Variants in FAAH2 observed in about 807,000 individuals in gnomAD.
FAAH2 encodes the protein fatty acid amide hydrolase 2, also known as fatty-acid amide hydrolase 2.
A neutral mutation model predicts 36.9 loss-of-function variants in FAAH2; 60 were observed. That is an observed-to-expected ratio of 1.63 (90% CI 1.32 to 2.02). The LOEUF (loss-of-function observed/expected upper bound fraction) is 2.02, where lower values mean the gene tolerates loss of function less well. Ranked by LOEUF, FAAH2 falls within the 30% of genes most tolerant of loss-of-function variation. FAAH2 has a pLI of 0.00. For missense variants in FAAH2, 689 were observed against 397.5 expected, an observed-to-expected ratio of 1.73 and a Z score of -6.23; for synonymous variants, 214 against 143.8, an observed-to-expected ratio of 1.49 and a Z score of -3.49.
chrX:57,160,414 G>C, the FAAH2 span, among the ~76,000 whole-genome samples: 1 of 111,928 alleles, frequency 8.9e-6, no homozygotes, highest in Non-Finnish European at 1.9e-5. Context: ...CAAAAGGAAT[G>C]GTATCAGCTC....
chrX:57,456,519 T>C (rs2056867511), intron 10 of FAAH2, among the ~76,000 whole-genome samples: 1 of 111,545 alleles, frequency 9.0e-6, no homozygotes, highest in Admixed American at 9.5e-5. Flanking sequence ...TTCAAAAGAA[T>C]AAACAAGATT....
intron 2 of FAAH2, 109 bp downstream of exon 2, chrX:57,292,689 C>T (rs927012571): frequency 1.7e-6 from 1 of 589,628 alleles, no homozygotes. Context: ...TTTGTCCTTC[C>T]CTTGTTCTCA....
intron 7 of FAAH2, among the ~76,000 whole-genome samples, chrX:57,400,443 A>G (rs1436584121): frequency 8.9e-6 from 1 of 112,536 alleles, no homozygotes; most frequent in African/African-American, 3.2e-5. Context: ...TGACATATAA[A>G]GAAAAGTCTT....
At chrX:57,335,107 A>T (rs1220782833) in intron 4 of FAAH2, among the ~76,000 whole-genome samples, 1 of 111,369 alleles carries the variant, frequency 9.0e-6, no homozygotes, top group South Asian at 3.8e-4. Context: ...GAAGTAAAAC[A>T]TTCCTCATTA....
chrX:57,290,363 T>C (rs2146781293), intron 1 of FAAH2: 1 of 612,125 alleles, frequency 1.6e-6, no homozygotes, highest in Non-Finnish European at 2.0e-6. Flanking sequence ...CACTAGACTA[T>C]TGAGTTATGG....
intron 7 of FAAH2, among the ~76,000 whole-genome samples, chrX:57,407,559 C>A (rs2055597940): frequency 8.9e-6 from 1 of 111,956 alleles, no homozygotes; most frequent in Non-Finnish European, 1.9e-5. Flanking sequence ...CTTTTCTGTA[C>A]CCTAGCTTAT....
At chrX:57,379,719 C>T (rs753450674) in intron 6 of FAAH2, among the ~76,000 whole-genome samples, 1 of 110,441 alleles carries the variant, frequency 9.1e-6, no homozygotes, top group Non-Finnish European at 1.9e-5. Flanking sequence ...ATTATTTATA[C>T]TCATTAACTC....
At chrX:57,125,793 T>C in the FAAH2 span, among the ~76,000 whole-genome samples, 6 of 112,318 alleles carry the variant, frequency 5.3e-5, no homozygotes, top group Non-Finnish European at 9.4e-5. Flanking sequence ...AAAATGCATG[T>C]GTTCATCATT....
At position 57,352,065 on chromosome X, in the gene FAAH2, TACACATATATATATGTGTATATATATGC is replaced by T. The variant is rs2054023302; in HGVS notation, c.742+10679_742+10706del. Among the ~76,000 whole-genome samples the T allele has an allele frequency of 2.8e-4, 12 of 42,862 alleles. 3 individuals carry two copies. Among genetic ancestry groups the T allele is most frequent in the Non-Finnish European group, 4.1e-4 (11 of 26,838 alleles). The allele number at this position is 42,862 out of a possible 115,157, so 37.2% of individuals were successfully genotyped here. A position where few individuals can be genotyped will look rare whatever the true frequency, so the allele number is the denominator to read the frequency against. Reference sequence around the variant, plus strand: ...ATATATATGTGTATATATATATATATACACATATATATATGTGTATATATATGCACATATATATATATGTGTATATATA... The same window carrying T: ...ATATATATGTGTATATATATATATATACATATATATATATGTGTATATATA... On this transcript the variant is annotated intron_variant, in intron 5 of 10. Transcript: ENST00000374900.
the FAAH2 span, among the ~76,000 whole-genome samples, chrX:57,174,720 A>G: frequency 2.7e-5 from 3 of 111,543 alleles, no homozygotes; most frequent in Non-Finnish European, 5.7e-5. Flanking sequence ...GTTTAGTGCT[A>G]TAAAGTTTCC....
the FAAH2 span, among the ~76,000 whole-genome samples, chrX:57,160,310 T>C: frequency 9.0e-6 from 1 of 111,294 alleles, no homozygotes; most frequent in Non-Finnish European, 1.9e-5. Flanking sequence ...TTTTTTGTTG[T>C]TGTATCTCTG....
the FAAH2 span, among the ~76,000 whole-genome samples, chrX:57,174,210 AT>A: frequency 0.012 from 1,242 of 101,182 alleles, 8 homozygotes; most frequent in African/African-American, 0.037. Context: ...TAGCCCCGAG[AT>A]TTTTTTTTTT....
the FAAH2 span, among the ~76,000 whole-genome samples, chrX:57,229,870 T>A: frequency 9.0e-6 from 1 of 111,716 alleles, no homozygotes; most frequent in East Asian, 2.8e-4. Context: ...CATTACACTT[T>A]ATTCTTGCTT....
chrX:57,442,436 G>A (rs1470276641), intron 8 of FAAH2, among the ~76,000 whole-genome samples: 2 of 110,969 alleles, frequency 1.8e-5, no homozygotes, highest in Non-Finnish European at 1.9e-5. Flanking sequence ...TGCAACCTCT[G>A]CTTTTTTTTG....
At chrX:57,345,284 G>T (rs975794769) in intron 5 of FAAH2, among the ~76,000 whole-genome samples, 1 of 108,336 alleles carries the variant, frequency 9.2e-6, no homozygotes, top group Admixed American at 1.0e-4. Flanking sequence ...GCATTGGTAG[G>T]TTTTTTTTAA....
chrX:57,207,889 A>C, the FAAH2 span, among the ~76,000 whole-genome samples: 1 of 112,979 alleles, frequency 8.9e-6, no homozygotes, highest in African/African-American at 3.2e-5. Flanking sequence ...CAGACATTGT[A>C]CAGGGGTGAG....
chrX:57,122,778 C>A, the FAAH2 span, among the ~76,000 whole-genome samples: 1 of 111,508 alleles, frequency 9.0e-6, no homozygotes, highest in Non-Finnish European at 1.9e-5. Flanking sequence ...GTTAACAGAA[C>A]AACTACACTT....
chrX:57,380,382 C>T (rs761334136), intron 6 of FAAH2, among the ~76,000 whole-genome samples: 1 of 111,311 alleles, frequency 9.0e-6, no homozygotes, highest in East Asian at 2.8e-4. Flanking sequence ...GAAGACTGGC[C>T]ATTTCAGATA....
intron 3 of FAAH2, among the ~76,000 whole-genome samples, chrX:57,324,793 C>T (rs1421991434): frequency 1.8e-5 from 2 of 112,109 alleles, no homozygotes; most frequent in African/African-American, 3.2e-5. Context: ...CAAACAGGGA[C>T]AATTTGACTT....
Sources: allele counts gnomAD v4.1 joint callset (sites outside exome capture counted in the v4.1 genomes callset), GRCh38; gene constraint gnomAD v4.1.1; transcripts MANE v1.5; gene names NCBI Gene and HGNC (gene_info 2026-07-23, HGNC 2026-07-21).